FRMPD4: variants seen among roughly 807,000 people sequenced by gnomAD.
FRMPD4 encodes FERM and PDZ domain containing 4.
A neutral mutation model predicts 94.1 loss-of-function variants in FRMPD4; 22 were observed. The observed-to-expected ratio is 0.23, with a 90% confidence interval of 0.17 to 0.33. The LOEUF is 0.33. FRMPD4 is among the 10% of genes least tolerant of loss of function. The pLI, the probability that FRMPD4 is intolerant of heterozygous loss-of-function variation, is 1.00. For missense variants in FRMPD4, 1,111 were observed against 1,339.9 expected (o/e 0.83, Z 2.67); for synonymous variants, 631 against 548.6 (o/e 1.15, Z -2.10).
At chrX:12,084,178 G>GC (rs368865044) in intron 3 of FRMPD4, among the ~76,000 whole-genome samples, 4 of 24,668 alleles carry the variant, frequency 1.6e-4, no homozygotes, top group Non-Finnish European at 4.3e-4. Context: ...GGGACCCAGT[G>GC]GGGGGGGGGG....
chrX:12,294,237 G>C (rs763754503), intron 1 of FRMPD4, among the ~76,000 whole-genome samples: 1 of 111,364 alleles, frequency 9.0e-6, no homozygotes, highest in Non-Finnish European at 1.9e-5. Flanking sequence ...TAAGGAATGT[G>C]TAAAGACTAT....
chrX:12,398,467 A>C (rs2148049320), intron 1 of FRMPD4, among the ~76,000 whole-genome samples: 1 of 111,437 alleles, frequency 9.0e-6, no homozygotes, highest in Non-Finnish European at 1.9e-5. Flanking sequence ...GGAGGGTGTG[A>C]CAGGAATCAT....
chrX:11,924,204 T>A (rs2054073431), intron 3 of FRMPD4, among the ~76,000 whole-genome samples: 1 of 111,930 alleles, frequency 8.9e-6, no homozygotes, highest in African/African-American at 3.2e-5. Context: ...ACTAGTTTTA[T>A]AAAATAAGAC....
At chrX:12,567,296 T>C (rs1248764998) in intron 2 of FRMPD4, among the ~76,000 whole-genome samples, 1 of 112,159 alleles carries the variant, frequency 8.9e-6, no homozygotes, top group African/African-American at 3.2e-5. Flanking sequence ...CCAGAGCCAC[T>C]TGGATTTAAG....
chrX:12,036,946 C>T (rs915242782), intron 3 of FRMPD4, among the ~76,000 whole-genome samples: 3 of 112,285 alleles, frequency 2.7e-5, no homozygotes, highest in Admixed American at 9.4e-5. Context: ...TCACCATTTA[C>T]TATTCCACCT....
chrX:12,714,725 G>C (rs5935387), intron 14 of FRMPD4, among the ~76,000 whole-genome samples: 40,444 of 110,199 alleles, frequency 0.37, 6,184 homozygotes, highest in African/African-American at 0.6. Flanking sequence ...TGCTGAACTA[G>C]TCTTCCTCCT....
intron 8 of FRMPD4, 43 bp downstream of exon 8, chrX:12,690,369 A>G: frequency 1.7e-6 from 2 of 1,150,604 alleles, no homozygotes; most frequent in Non-Finnish European, 2.4e-6. Context: ...TGCAGGTTAG[A>G]GCAGAGGTTG....
chrX:12,636,213 G>T (rs1005897182), intron 4 of FRMPD4, among the ~76,000 whole-genome samples: 2 of 111,728 alleles, frequency 1.8e-5, no homozygotes, highest in African/African-American at 3.3e-5. Flanking sequence ...GTGATTTGTG[G>T]ATATGTGGAT....
rs1289043535 is a variant in FRMPD4 at position 12,686,943 on chromosome X, C to T, written c.681+739C>T. Among the ~76,000 whole-genome samples, 4 of 112,037 alleles carry T rather than the reference C, an allele frequency of 3.6e-5. No homozygotes were observed. The Admixed American group carries it at 3.8e-4, about 11-fold the overall frequency. On this transcript the variant is annotated intron_variant, in intron 7 of 16. Transcript: ENST00000675598. Reference sequence around the variant, plus strand: ...TAATGCTTCATCAGCCTAAAATAGGCTTTCTTCCCATGGCACAGTAAAAAA... The same window carrying T: ...TAATGCTTCATCAGCCTAAAATAGGTTTTCTTCCCATGGCACAGTAAAAAA...
At chrX:11,969,621 T>C (rs957904591) in intron 3 of FRMPD4, among the ~76,000 whole-genome samples, 2 of 112,109 alleles carry the variant, frequency 1.8e-5, no homozygotes, top group Non-Finnish European at 3.8e-5. Context: ...TTCAAAGTGT[T>C]AGGCGCCTAA....
At chrX:11,930,325 C>A (rs1023555791) in intron 3 of FRMPD4, among the ~76,000 whole-genome samples, 1 of 109,990 alleles carries the variant, frequency 9.1e-6, no homozygotes, top group Non-Finnish European at 1.9e-5. Context: ...TAGATATAAC[C>A]CTGTTTGGAG....
intron 2 of FRMPD4, among the ~76,000 whole-genome samples, chrX:12,555,445 T>C (rs1482764634): frequency 2.0e-5 from 1 of 49,494 alleles, no homozygotes; most frequent in Non-Finnish European, 6.9e-5. Context: ...CTATCACTCT[T>C]TCTTTTACTG....
chrX:12,152,811 C>T (rs1159204240), intron 1 of FRMPD4, among the ~76,000 whole-genome samples: 1 of 105,339 alleles, frequency 9.5e-6, no homozygotes, highest in Non-Finnish European at 1.9e-5. Flanking sequence ...ATTTAGTATT[C>T]TGAAGCAATT....
chrX:12,654,538 A>G (rs1005005975), intron 4 of FRMPD4, among the ~76,000 whole-genome samples: 1 of 112,106 alleles, frequency 8.9e-6, no homozygotes. Context: ...TGATATATGT[A>G]TATATATACA....
chrX:12,109,170 G>A (rs764503308), intron 3 of FRMPD4, among the ~76,000 whole-genome samples: 37 of 111,879 alleles, frequency 3.3e-4, no homozygotes, highest in South Asian at 1.1e-3. Flanking sequence ...CACATAGTTG[G>A]AAGTAAAGCA....
intron 4 of FRMPD4, among the ~76,000 whole-genome samples, chrX:12,631,294 G>C (rs1371585939): frequency 8.9e-6 from 1 of 111,794 alleles, no homozygotes; most frequent in Non-Finnish European, 1.9e-5. Context: ...GAATTGGAAA[G>C]AAAGAAGTGT....
chrX:12,678,070 A>C (rs772441017), intron 5 of FRMPD4, among the ~76,000 whole-genome samples: 4 of 112,027 alleles, frequency 3.6e-5, no homozygotes, highest in Admixed American at 9.5e-5. Context: ...TCTATGCCTT[A>C]GTTGAGATCA....
chrX:12,576,739 T>C (rs961339146), intron 2 of FRMPD4, among the ~76,000 whole-genome samples: 4 of 112,652 alleles, frequency 3.6e-5, no homozygotes, highest in African/African-American at 1.3e-4. Flanking sequence ...TCCACTGCTA[T>C]GAGTATCATT....
chrX:12,415,102 GTCCTGGTGT>G (rs2056782809), intron 1 of FRMPD4, among the ~76,000 whole-genome samples: 2 of 110,772 alleles, frequency 1.8e-5, no homozygotes, highest in Admixed American at 1.9e-4. Context: ...TTGCATTTGG[GTCCTGGTGT>G]TCCATGTAAG....
Sources: gnomAD v4.1 joint callset for allele counts (sites outside exome capture counted in the v4.1 genomes callset) on GRCh38, gnomAD v4.1.1 for gene constraint, MANE v1.5 for transcripts, NCBI Gene and HGNC (gene_info 2026-07-23, HGNC 2026-07-21) for gene names.